Variants in ACSS1 observed in about 807,000 individuals in gnomAD.
ACSS1 encodes the protein acetyl-coenzyme A synthetase 2-like, mitochondrial.
Under a neutral mutation model 75.3 loss-of-function variants are expected in ACSS1, and 42 were observed. The ratio of observed to expected loss-of-function variants is 0.56; its 90% confidence interval spans 0.44 to 0.72. The LOEUF is 0.72. Ranked by LOEUF, ACSS1 falls within the 30% of genes least tolerant of loss-of-function variation. ACSS1 has a pLI of 0.00. For missense variants in ACSS1, 782 were observed against 935.7 expected, an observed-to-expected ratio of 0.84 and a Z score of 2.14; for synonymous variants, 380 against 376.8, an observed-to-expected ratio of 1.01 and a Z score of -0.10.
At chr20:25,029,524 C>T (rs1226905202) in intron 3 of ACSS1, among the ~76,000 whole-genome samples, 1 of 152,166 alleles carries the variant, frequency 6.6e-6, no homozygotes, top group Non-Finnish European at 1.5e-5. Flanking sequence ...TAGGTATATA[C>T]CCCCAAAATT....
chr20:25,036,985 A>G (rs1390004692), intron 2 of ACSS1, among the ~76,000 whole-genome samples: 2 of 108,746 alleles, frequency 1.8e-5, no homozygotes, highest in East Asian at 4.7e-4. Context: ...GAAAGAAAGA[A>G]AAAGAAAGAA....
chr20:25,020,161 G>GA lies in ACSS1; in HGVS notation c.1109-15dup. ...CCCAGTACCGACCTACAGAAAGGCCGAAATTCACTGTCAGCAGGAGAGCTG... is the reference window on the plus strand; with the variant it reads ...CCCAGTACCGACCTACAGAAAGGCCGAAAATTCACTGTCAGCAGGAGAGCTG... On this transcript the variant is annotated splice_polypyrimidine_tract_variant and intron_variant, in intron 6 of 13. Coordinates refer to ENST00000323482, the MANE Select transcript of ACSS1 (RefSeq NM_032501.4). 6.2e-7 allele frequency: 1 copy of GA among 1,613,932 alleles called. No individual in the cohort carries two copies. The highest frequency in any genetic ancestry group is 8.5e-7 in the Non-Finnish European group (1 of 1,179,816).
intron 1 of ACSS1, 84 bp downstream of exon 1, chr20:25,057,685 G>C (rs1206708581): frequency 7.2e-7 from 1 of 1,380,388 alleles, no homozygotes; most frequent in Non-Finnish European, 9.8e-7. Flanking sequence ...CGCTGCCCGG[G>C]GACGGCTGCC....
At chr20:25,009,707 G>T (rs373681751) in intron 12 of ACSS1, 5 of 307,152 alleles carry the variant, frequency 1.6e-5, no homozygotes, top group East Asian at 1.6e-4. Flanking sequence ...GTACACATCT[G>T]TGAAATAACC....
chr20:25,028,072 G>A (rs904703373), intron 3 of ACSS1, among the ~76,000 whole-genome samples: 2 of 152,136 alleles, frequency 1.3e-5, no homozygotes, highest in African/African-American at 4.8e-5. Context: ...CCTAGGATAT[G>A]CAAGACTTGT....
intron 6 of ACSS1, 87 bp downstream of exon 6, chr20:25,021,302 T>C: frequency 6.6e-7 from 1 of 1,506,588 alleles, no homozygotes; most frequent in Non-Finnish European, 8.9e-7. Flanking sequence ...GGCGTCCCCC[T>C]TCCATGAACC....
Position 25,030,945 on chromosome 20 carries a change from T to A in ACSS1, c.445A>T (p.Thr149Ser), listed in dbSNP as rs1305713389. The A allele has an allele frequency of 1.2e-6, 2 of 1,614,012 alleles. No homozygotes were observed. The highest frequency in any genetic ancestry group is 1.7e-6 in the Non-Finnish European group (2 of 1,179,988). The change falls in exon 3 of 14, where the codon ACC (threonine) becomes TCC (serine). Residue 149 changes from threonine to serine, a missense_variant. Transcript: ENST00000323482. ...VRITYRELLE[T>S]TCRLANTLKR... ...AGCGTGTTGGCCAGGCGGCACGTGG[T>A]CTCCAGTAGTTCCCTGCAGCACAGG...
At chr20:25,048,691 C>A (rs2089133891) in intron 1 of ACSS1, among the ~76,000 whole-genome samples, 1 of 152,242 alleles carries the variant, frequency 6.6e-6, no homozygotes, top group African/African-American at 2.4e-5. Context: ...CCCAACTCCC[C>A]CACGTGTTCC....
Position 25,009,215 on chromosome 20 carries a change from G to C in ACSS1, c.1890+55C>G, listed in dbSNP as rs148489017. ...TGCTCCTAAAAGATCATTGTCACTT[G>C]ACAATTGTGGGAAGAACAGCAGCAC... is the stretch of plus-strand genomic sequence containing the variant. On this transcript the variant is annotated intron_variant, in intron 13 of 13. Coordinates refer to ENST00000323482, the MANE Select transcript of ACSS1 (RefSeq NM_032501.4). 552 of 1,397,798 alleles carry C rather than the reference G, an allele frequency of 3.9e-4. 3 individuals carry two copies. The African/African-American group carries it at 6.9e-3, about 18-fold the overall frequency. 86.6% of individuals were successfully genotyped at this position (1,397,798 alleles called of 1,614,324 possible).
chr20:25,041,013 C>A (rs541787809), intron 2 of ACSS1, among the ~76,000 whole-genome samples: 2 of 152,224 alleles, frequency 1.3e-5, no homozygotes, highest in Non-Finnish European at 2.9e-5. Flanking sequence ...AATCCCAGCA[C>A]TTTGGGAGGC....
At chr20:25,014,500 A>G (rs778045365) in intron 8 of ACSS1, among the ~76,000 whole-genome samples, 7 of 152,192 alleles carry the variant, frequency 4.6e-5, no homozygotes, top group African/African-American at 7.2e-5. Flanking sequence ...CCAGTGACTC[A>G]GCTAGAGAAT....
At chr20:25,028,008 C>T (rs963249834) in intron 3 of ACSS1, among the ~76,000 whole-genome samples, 1 of 151,914 alleles carries the variant, frequency 6.6e-6, no homozygotes, top group South Asian at 2.1e-4. Flanking sequence ...ATTAGGAAAA[C>T]AATTCCATTT....
chr20:25,037,043 G>T (rs1416139194), intron 2 of ACSS1, among the ~76,000 whole-genome samples: 1 of 134,364 alleles, frequency 7.4e-6, no homozygotes, highest in Non-Finnish European at 1.6e-5. Context: ...GAAAGAAAGA[G>T]GGAAAGAAAG....
chr20:25,028,942 T>C (rs1410436329), intron 3 of ACSS1, among the ~76,000 whole-genome samples: 1 of 150,388 alleles, frequency 6.6e-6, no homozygotes, highest in Non-Finnish European at 1.5e-5. Context: ...AAAGAAAACA[T>C]AGGAAAAAAT....
chr20:25,049,694 G>A (rs760276432), intron 1 of ACSS1, among the ~76,000 whole-genome samples: 25 of 152,106 alleles, frequency 1.6e-4, no homozygotes, highest in African/African-American at 4.8e-4. Flanking sequence ...GAGCCTCCAC[G>A]GAGACAGCGC....
At chr20:25,043,610 T>G (rs1029733661) in intron 2 of ACSS1, among the ~76,000 whole-genome samples, 1 of 152,184 alleles carries the variant, frequency 6.6e-6, no homozygotes, top group Non-Finnish European at 1.5e-5. Flanking sequence ...CCTCTGCTTC[T>G]CTGGTCAGGG....
chr20:25,007,544 C>T lies in ACSS1; in HGVS notation c.*218G>A. 7.2e-7 allele frequency: 1 copy of T among 1,386,568 alleles called. No homozygotes were observed. The highest frequency in any genetic ancestry group is 9.3e-7 in the Non-Finnish European group (1 of 1,072,164). 85.9% of individuals were successfully genotyped at this position (1,386,568 alleles called of 1,614,324 possible). On this transcript the variant is annotated 3_prime_UTR_variant, in exon 14 of 14. Transcript: ENST00000323482. ...CTCAGATGGCAGAACCAGCCCTAGCCATGTCGCATAGCCTCTCCATGGGTG... is the reference window on the plus strand; with the variant it reads ...CTCAGATGGCAGAACCAGCCCTAGCTATGTCGCATAGCCTCTCCATGGGTG...
intron 1 of ACSS1, among the ~76,000 whole-genome samples, chr20:25,053,060 C>CTTTTTTTT (rs1171891974): frequency 2.5e-5 from 3 of 118,140 alleles, no homozygotes; most frequent in African/African-American, 1.1e-4. Context: ...TCACAATGAG[C>CTTTTTTTT]TTTTTTTTTT....
intron 2 of ACSS1, among the ~76,000 whole-genome samples, chr20:25,045,444 T>C (rs6106987): frequency 0.05 from 7,611 of 152,030 alleles, 656 homozygotes; most frequent in African/African-American, 0.17. Context: ...GGGACCAGAG[T>C]CGGGAGGTTT....
Sources: gnomAD v4.1 joint callset for allele counts (sites outside exome capture counted in the v4.1 genomes callset) on GRCh38, gnomAD v4.1.1 for gene constraint, MANE v1.5 for transcripts, NCBI Gene and HGNC (gene_info 2026-07-23, HGNC 2026-07-21) for gene names.